Variants in PRCC observed in about 807,000 individuals in gnomAD.
The protein encoded by PRCC is proline-rich protein PRCC.
In PRCC, 10 loss-of-function variants were observed where a neutral mutation model predicts 44.0. The ratio of observed to expected loss-of-function variants is 0.23; its 90% confidence interval spans 0.14 to 0.39. PRCC has a LOEUF of 0.39. Among genes scored for constraint, PRCC ranks in the 10% least tolerant of loss-of-function variants. The probability of loss-of-function intolerance (pLI) is 1.00; values close to 1 mark genes in which losing one functional copy is unlikely to be tolerated. For synonymous variants in PRCC, 278 were observed against 259.5 expected (o/e 1.07, Z -0.69); for missense variants, 573 against 624.7 (o/e 0.92, Z 0.88).
At chr1:156,774,999 A>G (rs1363062283) in intron 1 of PRCC, among the ~76,000 whole-genome samples, 1 of 149,498 alleles carries the variant, frequency 6.7e-6, no homozygotes, top group Non-Finnish European at 1.5e-5. Flanking sequence ...CTGTAATCCC[A>G]GCACTTTGGG....
At chr1:156,797,515 A>C (rs1229948468) in intron 6 of PRCC, among the ~76,000 whole-genome samples, 174 bp downstream of exon 6, 3 of 152,226 alleles carry the variant, frequency 2.0e-5, no homozygotes, top group African/African-American at 7.2e-5. Context: ...CTTCAGAATT[A>C]TCCTGCTCTA....
chr1:156,786,231 A>G (rs1467097794), intron 2 of PRCC, among the ~76,000 whole-genome samples: 1 of 152,148 alleles, frequency 6.6e-6, no homozygotes, highest in Non-Finnish European at 1.5e-5. Context: ...CAGGACACGG[A>G]GAGAGGTTGA....
At chr1:156,792,256 T>C (rs1265174867) in intron 4 of PRCC, among the ~76,000 whole-genome samples, 2 of 151,744 alleles carry the variant, frequency 1.3e-5, no homozygotes, top group Non-Finnish European at 2.9e-5. Flanking sequence ...TTTATTCTTA[T>C]GGTCCATGAT....
At chr1:156,785,273 A>G (rs1206176064) in intron 2 of PRCC, among the ~76,000 whole-genome samples, 2 of 152,074 alleles carry the variant, frequency 1.3e-5, no homozygotes, top group Admixed American at 1.3e-4. Flanking sequence ...GCACTTTGGG[A>G]GGCCGAGGTG....
chr1:156,793,235 G>C (rs1000357472), intron 4 of PRCC, among the ~76,000 whole-genome samples: 19 of 152,102 alleles, frequency 1.2e-4, no homozygotes, highest in African/African-American at 4.3e-4. Flanking sequence ...TGGTTTCTTT[G>C]GGAACCAACT....
chr1:156,787,303 C>T (rs1245330203), intron 3 of PRCC, 129 bp downstream of exon 3: 1 of 1,018,728 alleles, frequency 9.8e-7, no homozygotes, highest in Non-Finnish European at 1.4e-6. Flanking sequence ...TATTAGGCCA[C>T]AGAACATACC....
chr1:156,797,367 T>C, intron 6 of PRCC, 26 bp downstream of exon 6: 1 of 1,613,622 alleles, frequency 6.2e-7, no homozygotes, highest in Non-Finnish European at 8.5e-7. Context: ...GGGCTCTGGC[T>C]CAGGCAGGAT....
chr1:156,800,500 C>T lies in PRCC; in HGVS notation c.*40C>T, dbSNP rs766569471. 6.2e-7 allele frequency: 1 copy of T among 1,602,460 alleles called. No homozygotes were observed. Among genetic ancestry groups the T allele is most frequent in the African/African-American group, 1.3e-5 (1 of 74,708 alleles). On this transcript the variant is annotated 3_prime_UTR_variant, in exon 7 of 7. Coordinates refer to ENST00000271526, the MANE Select transcript of PRCC (RefSeq NM_005973.5). Reference sequence around the variant, plus strand: ...TTGCTCCCAGGATCTCCTGCCAGCCCAGCTGGCCTGGCCCCCAGCTTCACC... The same window carrying T: ...TTGCTCCCAGGATCTCCTGCCAGCCTAGCTGGCCTGGCCCCCAGCTTCACC...
chr1:156,793,444 C>T (rs911909271), intron 4 of PRCC, among the ~76,000 whole-genome samples: 1 of 150,854 alleles, frequency 6.6e-6, no homozygotes, highest in Non-Finnish European at 1.5e-5. Context: ...TTGCATTTTG[C>T]TTTTTTAGGA....
chr1:156,791,248 C>T (rs1652462456), intron 3 of PRCC: 2 of 966,482 alleles, frequency 2.1e-6, no homozygotes, highest in Admixed American at 2.2e-5. Context: ...TCCCTGTATC[C>T]ACAGGACCAA....
intron 6 of PRCC, among the ~76,000 whole-genome samples, 158 bp downstream of exon 6, chr1:156,797,499 T>C (rs1392253540): frequency 6.6e-6 from 1 of 152,218 alleles, no homozygotes; most frequent in Non-Finnish European, 1.5e-5. Context: ...TAGGAGGGGA[T>C]ACATCCTTCA....
chr1:156,777,870 T>A (rs1445452138), intron 1 of PRCC, among the ~76,000 whole-genome samples: 1 of 152,228 alleles, frequency 6.6e-6, no homozygotes, highest in Admixed American at 6.5e-5. Context: ...GGGAAGGACT[T>A]ACATGAAAGG....
chr1:156,791,505 G>A (rs942169780), intron 3 of PRCC, 192 bp from the exon 4 acceptor site: 9 of 590,154 alleles, frequency 1.5e-5, no homozygotes, highest in African/African-American at 1.1e-4. Flanking sequence ...GAGAAAAGCT[G>A]TAGGGACTGT....
At chr1:156,797,495 G>A (rs1164106203) in intron 6 of PRCC, among the ~76,000 whole-genome samples, 154 bp downstream of exon 6, 1 of 152,098 alleles carries the variant, frequency 6.6e-6, no homozygotes, top group Non-Finnish European at 1.5e-5. Context: ...CCACTAGGAG[G>A]GGATACATCC....
chr1:156,772,710 A>T (rs140529119), intron 1 of PRCC, among the ~76,000 whole-genome samples: 1 of 152,240 alleles, frequency 6.6e-6, no homozygotes, highest in African/African-American at 2.4e-5. Flanking sequence ...GACAGATTTC[A>T]CTAATTTTTG....
At position 156,791,734 on chromosome 1, in the gene PRCC, C is replaced by G; in HGVS notation, c.1121C>G (p.Pro374Arg). The G allele has an allele frequency of 6.2e-7, 1 of 1,613,936 alleles. No homozygotes were observed. The highest frequency in any genetic ancestry group is 8.5e-7 in the Non-Finnish European group (1 of 1,179,980). The change falls in exon 4 of 7, where the codon CCG becomes CGG. Residue 374 changes from proline (P) to arginine (R), a missense_variant. Around this residue, in one of 4 missense-constraint regions of PRCC, gnomAD observed 141 missense variants for 130.2 expected, o/e 1.08. Coordinates refer to ENST00000271526, the MANE Select transcript of PRCC (RefSeq NM_005973.5). ...YSGGYYPAQDPALVPPQEIAP... is the reference protein window; with the variant it reads ...YSGGYYPAQDRALVPPQEIAP... ...GGTGGCTACTATCCTGCACAGGACC[C>G]GGCCCTGGTCCCCCCCCAGGAAATT...
At chr1:156,774,620 G>A (rs1019226781) in intron 1 of PRCC, among the ~76,000 whole-genome samples, 1 of 151,940 alleles carries the variant, frequency 6.6e-6, no homozygotes, top group African/African-American at 2.4e-5. Context: ...CGCAGTAGCT[G>A]GGACTACAGT....
At chr1:156,792,918 G>A (rs1652543342) in intron 4 of PRCC, among the ~76,000 whole-genome samples, 1 of 152,166 alleles carries the variant, frequency 6.6e-6, no homozygotes. Flanking sequence ...TCACATAATG[G>A]TCTCTCACTG....
intron 1 of PRCC, among the ~76,000 whole-genome samples, chr1:156,774,555 T>C (rs1558046049): frequency 6.6e-6 from 1 of 152,134 alleles, no homozygotes; most frequent in Non-Finnish European, 1.5e-5. Flanking sequence ...GTCTCGATTA[T>C]GGCTTACTGC....
Sources: gnomAD v4.1 joint callset for allele counts (sites outside exome capture counted in the v4.1 genomes callset) on GRCh38, gnomAD v4.1.1 for gene constraint, gnomAD v4.1.1 regional missense constraint, MANE v1.5 for transcripts, NCBI Gene and HGNC (gene_info 2026-07-23, HGNC 2026-07-21) for gene names.